Variants in CSMD1 observed in about 807,000 individuals in gnomAD.
The protein encoded by CSMD1 is CUB and Sushi multiple domains 1, also known as CUB and sushi domain-containing protein 1.
Under a neutral mutation model 417.5 loss-of-function variants are expected in CSMD1, and 213 were observed. The ratio of observed to expected loss-of-function variants is 0.51; its 90% CI spans 0.46 to 0.57. The LOEUF is 0.57. Ranked by LOEUF, CSMD1 falls within the 20% of genes least tolerant of loss-of-function variation. CSMD1 has a pLI of 0.00. For synonymous variants in CSMD1, 2,862 were observed against 1,736.8 expected (o/e 1.65, Z -16.11); for missense variants, 6,923 against 4,529.7 (o/e 1.53, Z -15.17).
chr8:3,988,960 G>C (rs1407835393), intron 5 of CSMD1, among the ~76,000 whole-genome samples: 1 of 152,160 alleles, frequency 6.6e-6, no homozygotes, highest in African/African-American at 2.4e-5. Flanking sequence ...AAATTTGAAG[G>C]TTATTTGCTG....
intron 26 of CSMD1, among the ~76,000 whole-genome samples, chr8:3,254,477 C>G (rs1366244576): frequency 2.0e-5 from 3 of 152,198 alleles, no homozygotes; most frequent in Non-Finnish European, 4.4e-5. Flanking sequence ...TGTTTTCCAA[C>G]TTGGTTCCAT....
intron 1 of CSMD1, among the ~76,000 whole-genome samples, chr8:4,858,910 A>C (rs377672650): frequency 6.6e-6 from 1 of 151,042 alleles, no homozygotes; most frequent in Non-Finnish European, 1.5e-5. Context: ...AATTGGAAAA[A>C]ACTACTTTAA....
At chr8:3,474,975 C>T (rs926798969) in intron 11 of CSMD1, among the ~76,000 whole-genome samples, 5 of 152,052 alleles carry the variant, frequency 3.3e-5, no homozygotes, top group African/African-American at 7.2e-5. Context: ...TGCCCCCAAG[C>T]CCTGCAGTGT....
At chr8:3,351,519 C>A (rs558950783) in intron 21 of CSMD1, among the ~76,000 whole-genome samples, 2 of 150,812 alleles carry the variant, frequency 1.3e-5, no homozygotes, top group African/African-American at 2.4e-5. Flanking sequence ...GCTGCTTGAA[C>A]CCAGGAAGCA....
chr8:3,807,100 G>C (rs1211175693), intron 5 of CSMD1, among the ~76,000 whole-genome samples: 4 of 152,150 alleles, frequency 2.6e-5, no homozygotes, highest in South Asian at 4.2e-4. Context: ...ACTGGGGGAA[G>C]GTTAAATTGA....
chr8:2,978,502 G>A, intron 55 of CSMD1, 110 bp downstream of exon 55: 1 of 824,328 alleles, frequency 1.2e-6, no homozygotes, highest in South Asian at 2.0e-5. Context: ...GGTGATGGGA[G>A]GACAGAAGGA....
At chr8:4,084,403 A>G (rs563818964) in intron 3 of CSMD1, among the ~76,000 whole-genome samples, 1 of 152,082 alleles carries the variant, frequency 6.6e-6, no homozygotes, top group Non-Finnish European at 1.5e-5. Context: ...TAAATTTTTT[A>G]AATTCCTAAT....
chr8:4,079,134 C>A (rs930702052), intron 3 of CSMD1, among the ~76,000 whole-genome samples: 10 of 151,708 alleles, frequency 6.6e-5, no homozygotes, highest in African/African-American at 2.2e-4. Flanking sequence ...TATTCAACTA[C>A]TGGATCATAT....
chr8:4,698,531 G>T (rs1263955984), intron 1 of CSMD1, among the ~76,000 whole-genome samples: 2 of 151,908 alleles, frequency 1.3e-5, no homozygotes, highest in African/African-American at 4.8e-5. Context: ...CCACCTACAG[G>T]GAAGTTTATT....
At chr8:4,742,062 T>G (rs537211080) in intron 1 of CSMD1, among the ~76,000 whole-genome samples, 26 of 122,732 alleles carry the variant, frequency 2.1e-4, no homozygotes, top group African/African-American at 5.9e-4. Context: ...ACGGAGTCTC[T>G]CTCTGTCGCC....
At chr8:3,892,534 A>AAATAATAATAAT (rs34846347) in intron 5 of CSMD1, among the ~76,000 whole-genome samples, 11 of 148,050 alleles carry the variant, frequency 7.4e-5, no homozygotes, top group Admixed American at 1.4e-4. Context: ...AATTTTGCAA[A>AAATAATAATAAT]AATAATAATA....
At chr8:4,936,440 G>C (rs1008652090) in intron 1 of CSMD1, among the ~76,000 whole-genome samples, 2 of 152,060 alleles carry the variant, frequency 1.3e-5, no homozygotes, top group Non-Finnish European at 2.9e-5. Context: ...AAAAATAGAA[G>C]GATTTTTGTC....
intron 5 of CSMD1, among the ~76,000 whole-genome samples, chr8:3,807,191 G>A (rs1323401700): frequency 1.3e-5 from 2 of 152,074 alleles, no homozygotes; most frequent in Non-Finnish European, 2.9e-5. Context: ...TTCTAAAATG[G>A]AAATTTTCAT....
intron 3 of CSMD1, among the ~76,000 whole-genome samples, chr8:4,183,534 G>T (rs954021411): frequency 6.6e-6 from 1 of 152,126 alleles, no homozygotes; most frequent in African/African-American, 2.4e-5. Flanking sequence ...TGGTTTATTT[G>T]TAATATGATA....
intron 11 of CSMD1, among the ~76,000 whole-genome samples, chr8:3,489,253 G>T (rs1052350436): frequency 6.6e-6 from 1 of 152,150 alleles, no homozygotes; most frequent in African/African-American, 2.4e-5. Context: ...CCAGCCCTAA[G>T]AAAGAACCAG....
intron 5 of CSMD1, among the ~76,000 whole-genome samples, chr8:3,989,932 A>G (rs958152152): frequency 3.3e-5 from 5 of 152,194 alleles, no homozygotes; most frequent in Admixed American, 6.5e-5. Context: ...GAAAGAGAAA[A>G]ATTAGATATT....
chr8:4,927,053 G>A (rs1391173771), intron 1 of CSMD1, among the ~76,000 whole-genome samples: 1 of 150,524 alleles, frequency 6.6e-6, no homozygotes, highest in Non-Finnish European at 1.5e-5. Context: ...TCCTTTTAAT[G>A]AAAAAAATAG....
At chr8:3,420,503 C>G (rs1444767850) in intron 12 of CSMD1, among the ~76,000 whole-genome samples, 1 of 148,478 alleles carries the variant, frequency 6.7e-6, no homozygotes, top group Non-Finnish European at 1.5e-5. Context: ...ATGCATGTAC[C>G]TAACGATATA....
intron 5 of CSMD1, among the ~76,000 whole-genome samples, chr8:3,844,011 T>C (rs545354087): frequency 6.6e-6 from 1 of 152,292 alleles, no homozygotes; most frequent in East Asian, 1.9e-4. Flanking sequence ...GCACTGATAA[T>C]ATGTAGTCAT....
Sources: gnomAD v4.1 joint callset for allele counts (sites outside exome capture counted in the v4.1 genomes callset) on GRCh38, gnomAD v4.1.1 for gene constraint, MANE v1.5 for transcripts, NCBI Gene and HGNC (gene_info 2026-07-23, HGNC 2026-07-21) for gene names.